Variants in PDE4D observed in about 807,000 individuals in gnomAD.
PDE4D encodes 3',5'-cyclic-AMP phosphodiesterase 4D.
A neutral mutation model predicts 87.4 loss-of-function variants in PDE4D; 24 were observed. The observed-to-expected ratio is 0.27, with a 90% CI of 0.20 to 0.39. The LOEUF (loss-of-function observed/expected upper bound fraction) is 0.39. PDE4D is among the 10% of genes least tolerant of loss of function. The pLI is 1.00. For missense variants in PDE4D, 714 were observed against 1,041.0 expected (o/e 0.69, Z 4.32); for synonymous variants, 384 against 383.2 (o/e 1.00, Z -0.02).
chr5:60,209,085 A>T (rs1742874686), intron 1 of PDE4D, among the ~76,000 whole-genome samples: 1 of 152,152 alleles, frequency 6.6e-6, no homozygotes, highest in Admixed American at 6.5e-5. Flanking sequence ...CTGAGCTGGA[A>T]GAGAAATCTG....
chr5:59,177,977 G>A (rs974115501), intron 5 of PDE4D, among the ~76,000 whole-genome samples: 21 of 152,140 alleles, frequency 1.4e-4, no homozygotes, highest in Non-Finnish European at 3.1e-4. Flanking sequence ...CAGGACTACT[G>A]CCACAGTACA....
intron 1 of PDE4D, among the ~76,000 whole-genome samples, chr5:60,447,185 A>G (rs934438424): frequency 1.3e-5 from 2 of 152,166 alleles, no homozygotes; most frequent in South Asian, 2.1e-4. Flanking sequence ...ATCCATTGCC[A>G]ATATAACATT....
At chr5:59,513,800 G>T (rs1392196420) in intron 1 of PDE4D, among the ~76,000 whole-genome samples, 1 of 152,144 alleles carries the variant, frequency 6.6e-6, no homozygotes, top group African/African-American at 2.4e-5. Context: ...TGGACCACAG[G>T]ATTTCATGAA....
intron 2 of PDE4D, among the ~76,000 whole-genome samples, chr5:59,210,004 C>T (rs1749724294): frequency 1.3e-5 from 2 of 152,222 alleles, no homozygotes; most frequent in South Asian, 4.1e-4. Flanking sequence ...TCCCATCACT[C>T]CTACACCACA....
intron 1 of PDE4D, among the ~76,000 whole-genome samples, chr5:60,324,516 T>C (rs904217813): frequency 2.6e-5 from 4 of 152,230 alleles, no homozygotes; most frequent in African/African-American, 4.8e-5. Context: ...TGTGCACCTG[T>C]AGTCCCAGCT....
intron 1 of PDE4D, among the ~76,000 whole-genome samples, chr5:59,249,917 T>G (rs1164845308): frequency 6.6e-6 from 1 of 151,994 alleles, no homozygotes; most frequent in Non-Finnish European, 1.5e-5. Context: ...AGTGCAGTGG[T>G]GCAATCATGG....
chr5:59,946,892 C>T (rs1757778346), intron 3 of PDE4D, among the ~76,000 whole-genome samples: 1 of 152,142 alleles, frequency 6.6e-6, no homozygotes, highest in South Asian at 2.1e-4. Flanking sequence ...TTATTCTGGT[C>T]CATCGAGAAG....
intron 2 of PDE4D, among the ~76,000 whole-genome samples, chr5:60,099,957 G>C (rs1278836846): frequency 6.6e-6 from 1 of 151,520 alleles, no homozygotes; most frequent in Non-Finnish European, 1.5e-5. Flanking sequence ...GTTTTTCACA[G>C]CAAAAAAGAA....
At chr5:59,607,035 G>C (rs1024607146) in intron 1 of PDE4D, among the ~76,000 whole-genome samples, 3 of 151,868 alleles carry the variant, frequency 2.0e-5, no homozygotes, top group Non-Finnish European at 2.9e-5. Context: ...TTTTCCCTAC[G>C]TTTCAGATGC....
intron 3 of PDE4D, among the ~76,000 whole-genome samples, chr5:59,937,948 G>A (rs1756781275): frequency 6.6e-6 from 1 of 152,108 alleles, no homozygotes; most frequent in Admixed American, 6.5e-5. Flanking sequence ...TCCATTAACG[G>A]TTTCTCTCTA....
intron 1 of PDE4D, among the ~76,000 whole-genome samples, chr5:59,836,655 T>TATCTATCTATCA (rs777358555): frequency 6.7e-6 from 1 of 149,578 alleles, no homozygotes; most frequent in South Asian, 2.1e-4. Flanking sequence ...TCTATCTATC[T>TATCTATCTATCA]ATCATCTATC....
intron 3 of PDE4D, among the ~76,000 whole-genome samples, chr5:59,968,133 C>T (rs368335547): frequency 1.6e-4 from 25 of 151,804 alleles, no homozygotes; most frequent in South Asian, 1.5e-3. Context: ...TACAGGCATG[C>T]GCCACCACGC....
chr5:59,609,245 A>T (rs1442928351), intron 1 of PDE4D, among the ~76,000 whole-genome samples: 4 of 152,038 alleles, frequency 2.6e-5, no homozygotes, highest in Non-Finnish European at 4.4e-5. Flanking sequence ...CACCATTCTC[A>T]GTTCTCCCTC....
intron 1 of PDE4D, among the ~76,000 whole-genome samples, chr5:59,648,260 T>C (rs892948492): frequency 6.6e-6 from 1 of 152,170 alleles, no homozygotes; most frequent in Non-Finnish European, 1.5e-5. Context: ...TCAGGAGATA[T>C]ATTCACTGAC....
At chr5:60,314,758 T>C (rs888283745) in intron 1 of PDE4D, among the ~76,000 whole-genome samples, 1 of 152,224 alleles carries the variant, frequency 6.6e-6, no homozygotes, top group Non-Finnish European at 1.5e-5. Context: ...GTCTTTGTGA[T>C]AGTTTGCTGA....
At chr5:59,504,298 C>T (rs1808842067) in intron 1 of PDE4D, among the ~76,000 whole-genome samples, 1 of 152,124 alleles carries the variant, frequency 6.6e-6, no homozygotes, top group Non-Finnish European at 1.5e-5. Flanking sequence ...TACATATGCA[C>T]ATTAAGCCAC....
upstream of PDE4D, among the ~76,000 whole-genome samples, chr5:59,897,570 T>C (rs1174356082): frequency 6.6e-6 from 1 of 152,134 alleles, no homozygotes; most frequent in African/African-American, 2.4e-5. Context: ...TCATTTACAT[T>C]AGGTATTTCT....
intron 1 of PDE4D, among the ~76,000 whole-genome samples, chr5:59,838,697 T>C (rs1403406943): frequency 6.6e-6 from 1 of 152,094 alleles, no homozygotes; most frequent in Non-Finnish European, 1.5e-5. Flanking sequence ...TGTTCTAGCA[T>C]AATATTTAGT....
At chr5:59,691,519 A>G (rs1162728519) in intron 1 of PDE4D, among the ~76,000 whole-genome samples, 2 of 141,676 alleles carry the variant, frequency 1.4e-5, no homozygotes, top group African/African-American at 5.2e-5. Context: ...GAATTGAACA[A>G]TGAGAACACT....
Sources: gnomAD v4.1 joint callset for allele counts (sites outside exome capture counted in the v4.1 genomes callset) on GRCh38, gnomAD v4.1.1 for gene constraint, MANE v1.5 for transcripts, NCBI Gene and HGNC (gene_info 2026-07-23, HGNC 2026-07-21) for gene names.